Variants in MAP2 observed in about 807,000 individuals in gnomAD.
MAP2 encodes the protein microtubule-associated protein 2.
A neutral mutation model predicts 137.6 loss-of-function variants in MAP2; 14 were observed. The observed-to-expected ratio is 0.10, with a 90% CI of 0.07 to 0.16. The LOEUF (loss-of-function observed/expected upper bound fraction) is 0.16. Ranked by LOEUF, MAP2 falls within the 10% of genes least tolerant of loss-of-function variation. MAP2 has a pLI of 1.00. For missense variants in MAP2, 2,088 were observed against 2,191.5 expected (o/e 0.95, Z 0.94); for synonymous variants, 786 against 782.3 (o/e 1.00, Z -0.08).
At chr2:209,453,387 A>C (rs1700742331) in intron 1 of MAP2, among the ~76,000 whole-genome samples, 1 of 152,196 alleles carries the variant, frequency 6.6e-6, no homozygotes, top group Non-Finnish European at 1.5e-5. Context: ...TCATGTGTTA[A>C]AAAGAAAGTT....
At chr2:209,653,457 A>G (rs759208598) in intron 5 of MAP2, 25 bp downstream of exon 5, 1 of 1,556,640 alleles carries the variant, frequency 6.4e-7, no homozygotes, top group African/African-American at 1.4e-5. Context: ...TACTGTCACC[A>G]AGTGCTTGCT....
At chr2:209,548,840 G>T (rs551674291) in intron 2 of MAP2, among the ~76,000 whole-genome samples, 3 of 152,226 alleles carry the variant, frequency 2.0e-5, no homozygotes, top group African/African-American at 2.4e-5. Flanking sequence ...GAGGTGCTTT[G>T]CTTCCCCTTT....
At chr2:209,639,467 T>C (rs2093835952) in intron 4 of MAP2, among the ~76,000 whole-genome samples, 2 of 152,156 alleles carry the variant, frequency 1.3e-5, no homozygotes, top group Admixed American at 6.5e-5. Flanking sequence ...CTGCCATAGC[T>C]CAGGCCCAGT....
At chr2:209,622,259 T>C (rs2091376739) in intron 3 of MAP2, among the ~76,000 whole-genome samples, 1 of 152,154 alleles carries the variant, frequency 6.6e-6, no homozygotes, top group Non-Finnish European at 1.5e-5. Flanking sequence ...TTCTAGTAAA[T>C]TAAAAGTTGC....
intron 13 of MAP2, among the ~76,000 whole-genome samples, chr2:209,713,464 T>A (rs2066238665): frequency 6.6e-6 from 1 of 152,128 alleles, no homozygotes; most frequent in Admixed American, 6.5e-5. Context: ...CAGAAGGCAA[T>A]AAAGCTAATC....
At chr2:209,619,036 C>T (rs777826071) in intron 3 of MAP2, among the ~76,000 whole-genome samples, 3 of 152,046 alleles carry the variant, frequency 2.0e-5, no homozygotes, top group Non-Finnish European at 4.4e-5. Context: ...AGACATATTC[C>T]TCATGGTCTT....
intron 2 of MAP2, among the ~76,000 whole-genome samples, chr2:209,562,462 C>T (rs538889559): frequency 2.0e-5 from 3 of 151,838 alleles, no homozygotes; most frequent in Admixed American, 6.6e-5. Flanking sequence ...TTTGGGAGGC[C>T]GAGGAGAGTG....
intron 13 of MAP2, among the ~76,000 whole-genome samples, chr2:209,718,743 G>T (rs573421224): frequency 6.6e-6 from 1 of 152,220 alleles, no homozygotes; most frequent in African/African-American, 2.4e-5. Flanking sequence ...TCCTAAATGT[G>T]TATTTAAATA....
At chr2:209,588,036 G>C (rs12694185) in intron 3 of MAP2, among the ~76,000 whole-genome samples, 149,241 of 152,286 alleles carry the variant, frequency 0.98, 73,208 homozygotes, top group East Asian at 1. Context: ...CCTTTGCACT[G>C]TATATGTTGT....
chr2:209,575,121 C>G (rs956774809), intron 2 of MAP2, among the ~76,000 whole-genome samples: 1 of 152,002 alleles, frequency 6.6e-6, no homozygotes, highest in Non-Finnish European at 1.5e-5. Context: ...GCTGATAGCC[C>G]CATGCTAGGT....
In MAP2 at chr2:209,692,892, C is replaced by G; in HGVS notation, c.722C>G (p.Thr241Arg). The G allele has an allele frequency of 1.9e-6, 3 of 1,614,086 alleles. No homozygotes were observed. The highest frequency in any genetic ancestry group is 2.5e-6 in the Non-Finnish European group (3 of 1,179,994). The change falls in exon 8 of 16, where the codon ACA (threonine) becomes AGA (arginine). Residue 241 changes from threonine (T) to arginine (R), a missense_variant. Thr to Arg is a moderately conservative substitution (Grantham distance 71). This residue lies in a region of MAP2 where 859 missense variants were observed against 794.5 expected (regional missense o/e 1.08). Transcript: ENST00000682079. ...VASLEDMKQKTEPSLVVPGID... is the reference protein window; with the variant it reads ...VASLEDMKQKREPSLVVPGID... ...AGCCTGGAAGACATGAAACAGAAGACAGAACCAAGCCTTGTAGTACCTGGC... is the reference window on the plus strand; with the variant it reads ...AGCCTGGAAGACATGAAACAGAAGAGAGAACCAAGCCTTGTAGTACCTGGC...
intron 7 of MAP2, chr2:209,690,679 T>G (rs1332571065): frequency 1.6e-6 from 2 of 1,289,650 alleles, no homozygotes; most frequent in Non-Finnish European, 2.0e-6. Flanking sequence ...GTGGGGCTGC[T>G]AAGTCCTCAG....
chr2:209,643,504 C>T (rs1197962302), intron 4 of MAP2, among the ~76,000 whole-genome samples: 1 of 152,152 alleles, frequency 6.6e-6, no homozygotes, highest in Non-Finnish European at 1.5e-5. Flanking sequence ...TTGCACCCTG[C>T]TTATTACCCC....
chr2:209,699,059 G>A (rs1391891540), intron 10 of MAP2, among the ~76,000 whole-genome samples: 1 of 152,100 alleles, frequency 6.6e-6, no homozygotes, highest in Non-Finnish European at 1.5e-5. Context: ...CTTTATTCTG[G>A]TCTAATGTTA....
At chr2:209,585,254 T>TAAAAAAAAAAAA (rs1034953786) in intron 3 of MAP2, among the ~76,000 whole-genome samples, 1 of 130,666 alleles carries the variant, frequency 7.7e-6, no homozygotes. Context: ...AATGAAGAAT[T>TAAAAAAAAAAAA]AAAAAAAAAA....
intron 1 of MAP2, among the ~76,000 whole-genome samples, chr2:209,479,930 T>G (rs1363918901): frequency 6.6e-6 from 1 of 152,176 alleles, no homozygotes; most frequent in Non-Finnish European, 1.5e-5. Flanking sequence ...TTTGCACAAC[T>G]GAGCCTATAA....
chr2:209,696,161 T>A lies in MAP2; in HGVS notation c.3991T>A (p.Phe1331Ile). Reference sequence around the variant, plus strand: ...ACCATCTCCTCATGATGAAGAAGAGTTTGAAGTAGAAGAGGCAGCTGAAGC... The same window carrying A: ...ACCATCTCCTCATGATGAAGAAGAGATTGAAGTAGAAGAGGCAGCTGAAGC... ...RRPSPHDEEE[F>I]EVEEAAEAQA... Residue 1331 changes from phenylalanine to isoleucine, a missense_variant, in exon 8 of 16, where the codon TTT becomes ATT. Physicochemically the swap from Phe to Ile is conservative, Grantham distance 21. Around this residue, in one of 6 missense-constraint regions of MAP2, gnomAD observed 591 missense variants for 642.6 expected, o/e 0.92. Coordinates refer to ENST00000682079, the MANE Select transcript of MAP2 (RefSeq NM_001375505.1). 6 of 1,611,756 alleles carry A rather than the reference T, an allele frequency of 3.7e-6. No homozygotes were observed. The South Asian group carries it at 4.4e-5, about 12-fold the overall frequency.
At chr2:209,429,155 T>G (rs1474513869) in intron 1 of MAP2, among the ~76,000 whole-genome samples, 1 of 151,854 alleles carries the variant, frequency 6.6e-6, no homozygotes, top group African/African-American at 2.4e-5. Flanking sequence ...GGGTTTCACC[T>G]TGTTAGCCAG....
At chr2:209,496,344 T>A (rs979221546) in intron 1 of MAP2, among the ~76,000 whole-genome samples, 3 of 152,188 alleles carry the variant, frequency 2.0e-5, no homozygotes, top group Non-Finnish European at 2.9e-5. Flanking sequence ...TAGCCAGCAC[T>A]CTATTAATGT....
Sources: gnomAD v4.1 joint callset for allele counts (sites outside exome capture counted in the v4.1 genomes callset) on GRCh38, gnomAD v4.1.1 for gene constraint, gnomAD v4.1.1 regional missense constraint, MANE v1.5 for transcripts, NCBI Gene and HGNC (gene_info 2026-07-23, HGNC 2026-07-21) for gene names.